ARHGAP8: variants seen among roughly 807,000 people sequenced by gnomAD.
ARHGAP8 encodes the protein Rho GTPase activating protein 8.
ARHGAP8 carries 62 observed loss-of-function variants against 46.1 expected under a neutral mutation model. The ratio of observed to expected loss-of-function variants is 1.34; its 90% confidence interval spans 1.10 to 1.66. The LOEUF (loss-of-function observed/expected upper bound fraction) is 1.66, where lower values mean the gene tolerates loss of function less well. Ranked by LOEUF, ARHGAP8 falls within the 40% of genes most tolerant of loss-of-function variation. The pLI, the probability that ARHGAP8 is intolerant of heterozygous loss-of-function variation, is 0.00. For synonymous variants in ARHGAP8, 375 were observed against 243.1 expected (o/e 1.54, Z -5.05); for missense variants, 923 against 568.4 (o/e 1.62, Z -6.34).
At chr22:44,790,608 C>T (rs1248890025) in intron 2 of ARHGAP8, among the ~76,000 whole-genome samples, 2 of 135,492 alleles carry the variant, frequency 1.5e-5, no homozygotes, top group East Asian at 2.4e-4. Context: ...CCCGGGAGAC[C>T]GAGGTTGCAG....
chr22:44,802,150 C>A lies in ARHGAP8; in HGVS notation c.153C>A (p.His51Gln), dbSNP rs144157668. Reference protein sequence around the residue: ...CRMPPSHELDHQRLLEYLKYT... With the variant: ...CRMPPSHELDQQRLLEYLKYT... ...TGCCACCCTCCCACGAGCTGGACCACCAGCGGCTGCTGGAGTAAGTGTTCT... is the reference window on the plus strand; with the variant it reads ...TGCCACCCTCCCACGAGCTGGACCAACAGCGGCTGCTGGAGTAAGTGTTCT... Residue 51 changes from histidine (H) to glutamine (Q), a missense_variant, in exon 3 of 12, where the codon CAC becomes CAA. Coordinates refer to ENST00000356099, the MANE Select transcript of ARHGAP8 (RefSeq NM_181335.3). 2 of 1,614,130 alleles carry A rather than the reference C, an allele frequency of 1.2e-6. No individual in the cohort carries two copies. Among genetic ancestry groups the A allele is most frequent in the Non-Finnish European group, 1.7e-6 (2 of 1,179,968 alleles).
At chr22:44,846,424 C>T (rs922959273) in intron 8 of ARHGAP8, among the ~76,000 whole-genome samples, 4 of 152,196 alleles carry the variant, frequency 2.6e-5, no homozygotes, top group African/African-American at 9.6e-5. Flanking sequence ...AGAGTCCATG[C>T]ACATGGGGGT....
chr22:44,827,880 T>C (rs5765038), intron 7 of ARHGAP8, among the ~76,000 whole-genome samples: 39,902 of 152,004 alleles, frequency 0.26, 5,989 homozygotes, highest in East Asian at 0.73. Flanking sequence ...TAAAGAGGAC[T>C]GCTGGTGCCC....
intron 2 of ARHGAP8, among the ~76,000 whole-genome samples, chr22:44,799,881 T>G (rs1928357193): frequency 6.6e-6 from 1 of 151,014 alleles, no homozygotes; most frequent in Non-Finnish European, 1.5e-5. Context: ...TTCCCCAGGG[T>G]GTCCTGCATG....
At position 44,851,220 on chromosome 22, in the gene ARHGAP8, G is replaced by A. The variant is rs1301872030; in HGVS notation, c.877+2160G>A. ...GCACCAATTAACAAACCTGGAGAGC[G>A]TAGTCATATTAAGCAACCCTCTGTT... is the stretch of plus-strand genomic sequence containing the variant. On this transcript the variant is annotated intron_variant, in intron 10 of 11. Transcript: ENST00000356099. 5.9e-5 allele frequency among the ~76,000 whole-genome samples: 9 copies of A among 152,254 alleles called. No homozygotes were observed. In the East Asian group the frequency reaches 7.7e-4, roughly 13 times the overall value.
intron 7 of ARHGAP8, among the ~76,000 whole-genome samples, chr22:44,825,799 G>C (rs1295836336): frequency 7.2e-6 from 1 of 139,220 alleles, no homozygotes; most frequent in Non-Finnish European, 1.5e-5. Flanking sequence ...GCTGCTCGGT[G>C]CCTGGTTGGG....
chr22:44,862,755 G>C lies in ARHGAP8; in HGVS notation c.*160G>C, dbSNP rs763553097. The C allele has an allele frequency of 4.5e-6, 4 of 886,310 alleles. No homozygotes were observed. The highest frequency in any genetic ancestry group is 6.5e-6 in the Non-Finnish European group (4 of 614,192). The allele number at this position is 886,310 out of a possible 1,614,324, so 54.9% of individuals were successfully genotyped here. A position where few individuals can be genotyped will look rare whatever the true frequency, so the allele number is the denominator to read the frequency against. Reference sequence around the variant, plus strand: ...TCTGGTCCTTGGACTCTTGTCCATGGTTCCTGAGCTGTGGACCGGGATAGA... The same window carrying C: ...TCTGGTCCTTGGACTCTTGTCCATGCTTCCTGAGCTGTGGACCGGGATAGA... On this transcript the variant is annotated 3_prime_UTR_variant, in exon 12 of 12. Coordinates refer to ENST00000356099, the MANE Select transcript of ARHGAP8 (RefSeq NM_181335.3).
intron 2 of ARHGAP8, among the ~76,000 whole-genome samples, chr22:44,788,925 T>A (rs561809486): frequency 1.7e-4 from 26 of 152,282 alleles, no homozygotes; most frequent in African/African-American, 6.0e-4. Flanking sequence ...AAAGAATGTA[T>A]GTTATGCGTT....
chr22:44,822,737 G>A (rs536291989), intron 6 of ARHGAP8, among the ~76,000 whole-genome samples: 1 of 152,276 alleles, frequency 6.6e-6, no homozygotes, highest in East Asian at 1.9e-4. Flanking sequence ...CCCTAACATG[G>A]CAACGGCCGT....
intron 1 of ARHGAP8, among the ~76,000 whole-genome samples, chr22:44,773,026 G>T (rs1203992372): frequency 6.6e-6 from 1 of 151,964 alleles, no homozygotes; most frequent in African/African-American, 2.4e-5. Context: ...ATGTTGCCCA[G>T]GCCAGTCTTA....
chr22:44,752,973 G>A (rs569222871), intron 1 of ARHGAP8, among the ~76,000 whole-genome samples: 151 of 152,008 alleles, frequency 9.9e-4, no homozygotes, highest in African/African-American at 3.6e-3. Flanking sequence ...TGGTCTGGCC[G>A]GACGGTGTCA....
At chr22:44,804,940 A>G (rs1928830449) in intron 3 of ARHGAP8, among the ~76,000 whole-genome samples, 1 of 152,220 alleles carries the variant, frequency 6.6e-6, no homozygotes, top group African/African-American at 2.4e-5. Context: ...CGAGACCTGC[A>G]GGATTCATGG....
intron 7 of ARHGAP8, among the ~76,000 whole-genome samples, chr22:44,842,570 A>G (rs1238538937): frequency 6.6e-6 from 1 of 152,216 alleles, no homozygotes; most frequent in Non-Finnish European, 1.5e-5. Flanking sequence ...TGGCTCAGGC[A>G]GGTGGGGCTG....
chr22:44,855,933 A>G (rs985265879), intron 10 of ARHGAP8, among the ~76,000 whole-genome samples: 1 of 152,176 alleles, frequency 6.6e-6, no homozygotes, highest in African/African-American at 2.4e-5. Context: ...CTTGGCTTCC[A>G]GGGAGGCCTC....
chr22:44,817,163 A>C (rs1330491491), intron 5 of ARHGAP8, among the ~76,000 whole-genome samples: 1 of 152,180 alleles, frequency 6.6e-6, no homozygotes, highest in Non-Finnish European at 1.5e-5. Flanking sequence ...CTGGGATTAC[A>C]GGCGTGAGCC....
chr22:44,847,322 C>T (rs1400683478), intron 8 of ARHGAP8, among the ~76,000 whole-genome samples: 4 of 152,204 alleles, frequency 2.6e-5, no homozygotes, highest in Non-Finnish European at 5.9e-5. Flanking sequence ...AAGTTTTCTT[C>T]TTTGATTACA....
At chr22:44,830,924 G>A (rs1345063224) in intron 7 of ARHGAP8, among the ~76,000 whole-genome samples, 3 of 152,136 alleles carry the variant, frequency 2.0e-5, no homozygotes, top group East Asian at 1.9e-4. Flanking sequence ...GATGCCTAAC[G>A]CTGTTGAGCA....
chr22:44,797,215 G>A (rs9614938), intron 2 of ARHGAP8, among the ~76,000 whole-genome samples: 11,232 of 120,364 alleles, frequency 0.093, 461 homozygotes, highest in African/African-American at 0.13. Flanking sequence ...AATGCTACTT[G>A]GCTTTTTTTT....
intron 9 of ARHGAP8, 152 bp downstream of exon 9, chr22:44,848,202 C>T (rs181765599): frequency 1.7e-5 from 19 of 1,094,100 alleles, no homozygotes; most frequent in Non-Finnish European, 2.3e-5. Context: ...CAGGAGGCAT[C>T]GAGGGGCCCA....
Sources: gnomAD v4.1 joint callset for allele counts (sites outside exome capture counted in the v4.1 genomes callset) on GRCh38, gnomAD v4.1.1 for gene constraint, MANE v1.5 for transcripts, NCBI Gene and HGNC (gene_info 2026-07-23, HGNC 2026-07-21) for gene names.